The following SMARCAD1 variants were observed in gnomAD, a reference collection of about 807,000 sequenced individuals.
SMARCAD1 encodes SWI/SNF-related matrix-associated actin-dependent regulator of chromatin subfamily A containing DEAD/H box 1.
A neutral mutation model predicts 127.1 loss-of-function variants in SMARCAD1; 25 were observed. The ratio of observed to expected loss-of-function variants is 0.20; its 90% confidence interval spans 0.14 to 0.27. SMARCAD1 has a LOEUF of 0.27. Among genes scored for constraint, SMARCAD1 ranks in the 10% least tolerant of loss-of-function variants. The pLI is 1.00. For missense variants in SMARCAD1, 807 were observed against 1,206.0 expected (o/e 0.67, Z 4.90); for synonymous variants, 400 against 396.9 (o/e 1.01, Z -0.09).
Position 94,253,016 on chromosome 4 carries a change from T to G in SMARCAD1, c.1281+9T>G, listed in dbSNP as rs767823348. ...ATAGTTGGGAGGCTCTGGTAAGGCT[T>G]TATTCTTTTTTTCCCCTTGTATGTG... On this transcript the variant is annotated intron_variant, in intron 9 of 23. Transcript: ENST00000354268. 4.3e-6 allele frequency: 7 copies of G among 1,609,690 alleles called. No homozygotes were observed. The South Asian group carries it at 7.7e-5, about 18-fold the overall frequency.
At chr4:94,284,057 C>T (rs1305252807) in intron 22 of SMARCAD1, among the ~76,000 whole-genome samples, 1 of 151,882 alleles carries the variant, frequency 6.6e-6, no homozygotes, top group Non-Finnish European at 1.5e-5. Flanking sequence ...CACGGTGGCT[C>T]ACACCTGTAA....
At chr4:94,270,930 C>T (rs1752458118) in intron 11 of SMARCAD1, 112 bp downstream of exon 11, 1 of 820,320 alleles carries the variant, frequency 1.2e-6, no homozygotes, top group Non-Finnish European at 2.1e-6. Flanking sequence ...CTACTGCCAC[C>T]TCAGTACCTT....
chr4:94,218,679 A>T (rs1020247306), intron 2 of SMARCAD1, among the ~76,000 whole-genome samples: 2 of 151,872 alleles, frequency 1.3e-5, no homozygotes, highest in African/African-American at 4.8e-5. Context: ...CTTTAATCTT[A>T]TATTTAGTGT....
intron 9 of SMARCAD1, among the ~76,000 whole-genome samples, chr4:94,254,047 G>A (rs1749688693): frequency 6.6e-6 from 1 of 152,054 alleles, no homozygotes; most frequent in Non-Finnish European, 1.5e-5. Context: ...TCTTGAAGTG[G>A]CAATAGGGGA....
chr4:94,254,441 C>T (rs775777914), intron 9 of SMARCAD1, among the ~76,000 whole-genome samples: 2 of 151,866 alleles, frequency 1.3e-5, no homozygotes, highest in Non-Finnish European at 1.5e-5. Flanking sequence ...AATACTTGCC[C>T]GAATATCTTA....
intron 11 of SMARCAD1, among the ~76,000 whole-genome samples, chr4:94,271,117 A>C (rs979031001): frequency 6.6e-6 from 1 of 152,182 alleles, no homozygotes; most frequent in Admixed American, 6.5e-5. Context: ...CCACTTAAAC[A>C]AGAACTAGTT....
rs1057405093 is a variant in SMARCAD1 at position 94,290,585 on chromosome 4, G to C, written c.*1051G>C. The C allele has an allele frequency of 4.4e-6, 2 of 454,338 alleles. No homozygotes were observed. Among genetic ancestry groups the C allele is most frequent in the African/African-American group, 4.0e-5 (2 of 50,006 alleles). The allele number at this position is 454,338 out of a possible 1,614,324, so 28.1% of individuals were successfully genotyped here. A position where few individuals can be genotyped will look rare whatever the true frequency, so the allele number is the denominator to read the frequency against. ...TTTCCAGAATTTCCAGTACAGGACC[G>C]CCTGAAGAGAGAGCCATTGTTCAAT... On this transcript the variant is annotated 3_prime_UTR_variant, in exon 24 of 24. Coordinates refer to ENST00000354268, the MANE Select transcript of SMARCAD1 (RefSeq NM_020159.5).
intron 6 of SMARCAD1, among the ~76,000 whole-genome samples, chr4:94,246,489 G>A (rs1199023362): frequency 1.3e-5 from 2 of 152,148 alleles, no homozygotes; most frequent in African/African-American, 2.4e-5. Context: ...AGTATATCTT[G>A]CCTCCAGTGT....
chr4:94,209,168 A>G (rs977895576), intron 2 of SMARCAD1, among the ~76,000 whole-genome samples: 5 of 152,240 alleles, frequency 3.3e-5, no homozygotes, highest in African/African-American at 9.6e-5. Context: ...GGATAAGCCA[A>G]AAATTAAGAT....
chr4:94,209,156 G>A (rs1024871963), intron 2 of SMARCAD1, among the ~76,000 whole-genome samples: 5 of 152,200 alleles, frequency 3.3e-5, no homozygotes, highest in African/African-American at 1.2e-4. Context: ...AAAAGTATTT[G>A]AGGATAAGCC....
intron 10 of SMARCAD1, 119 bp from the exon 11 acceptor site, chr4:94,270,609 C>T: frequency 1.3e-6 from 1 of 791,882 alleles, no homozygotes; most frequent in South Asian, 1.4e-5. Context: ...TACATAGCAT[C>T]TAACAGTTAA....
chr4:94,282,791 A>G (rs532445557), intron 21 of SMARCAD1, among the ~76,000 whole-genome samples: 56 of 152,262 alleles, frequency 3.7e-4, no homozygotes, highest in Non-Finnish European at 2.8e-4. Context: ...GTAGGAGCCG[A>G]TATACTTCTG....
intron 2 of SMARCAD1, among the ~76,000 whole-genome samples, chr4:94,220,185 A>G (rs1175022491): frequency 6.6e-6 from 1 of 152,218 alleles, no homozygotes; most frequent in Non-Finnish European, 1.5e-5. Flanking sequence ...GCACTATTCT[A>G]ATTCTGATTA....
intron 10 of SMARCAD1, among the ~76,000 whole-genome samples, chr4:94,267,712 C>T (rs1267201849): frequency 6.6e-6 from 1 of 151,490 alleles, no homozygotes. Flanking sequence ...CACTTTTTTC[C>T]TTAGTGAGAG....
intron 10 of SMARCAD1, among the ~76,000 whole-genome samples, chr4:94,268,076 T>C (rs931978340): frequency 3.9e-5 from 6 of 152,166 alleles, no homozygotes; most frequent in Admixed American, 3.9e-4. Flanking sequence ...GCAACAAAGC[T>C]ACTTGTAATT....
chr4:94,289,767 C>G lies in SMARCAD1; in HGVS notation c.*233C>G, dbSNP rs1330281379. 1.6e-6 allele frequency: 1 copy of G among 619,970 alleles called. No individual in the cohort carries two copies. The allele number at this position is 619,970 out of a possible 1,614,324, so 38.4% of individuals were successfully genotyped here. A position where few individuals can be genotyped will look rare whatever the true frequency, so the allele number is the denominator to read the frequency against. ...TGTAGTTCTGAAGATGTTGAATAAT[C>G]ATTTTACAAAGCAGTTTTCTGAATG... is the stretch of plus-strand genomic sequence containing the variant. On this transcript the variant is annotated 3_prime_UTR_variant, in exon 24 of 24. Transcript: ENST00000354268.
At chr4:94,258,492 C>A (rs1750459684) in intron 9 of SMARCAD1, among the ~76,000 whole-genome samples, 1 of 152,110 alleles carries the variant, frequency 6.6e-6, no homozygotes. Context: ...TTTAGAAAAT[C>A]AGGAATCTTA....
Position 94,281,564 on chromosome 4 carries a change from A to G in SMARCAD1, c.2700A>G (p.Leu900=). The G allele has an allele frequency of 6.2e-7, 1 of 1,609,228 alleles. No individual in the cohort carries two copies. The highest frequency in any genetic ancestry group is 8.5e-7 in the Non-Finnish European group (1 of 1,175,788). The part of the protein sequence containing the change: ...LKHHQHRYLR[L]DGKTQISERI... ...ATCATCAGCATAGGTACCTCAGATT[A>G]GATGGAAAGACTCAGATTTCTGAAA... is the stretch of plus-strand genomic sequence containing the variant. The change falls in exon 21 of 24, where the codon TTA becomes TTG. Residue 900 remains leucine (L), a synonymous_variant. Transcript: ENST00000354268.
chr4:94,219,060 C>T (rs1306380345), intron 2 of SMARCAD1, among the ~76,000 whole-genome samples: 1 of 152,134 alleles, frequency 6.6e-6, no homozygotes, highest in African/African-American at 2.4e-5. Context: ...GATCTGCCCA[C>T]GTTGGCCTCC....
Sources: gnomAD v4.1 joint callset for allele counts (sites outside exome capture counted in the v4.1 genomes callset) on GRCh38, gnomAD v4.1.1 for gene constraint, MANE v1.5 for transcripts, NCBI Gene and HGNC (gene_info 2026-07-23, HGNC 2026-07-21) for gene names.